NBAS: variants seen among roughly 807,000 people sequenced by gnomAD.
NBAS encodes the protein NBAS subunit of NRZ tethering complex.
In NBAS, 219 loss-of-function variants were observed where a neutral mutation model predicts 302.5. The ratio of observed to expected loss-of-function variants is 0.72; its 90% confidence interval spans 0.65 to 0.81. The LOEUF is 0.81. NBAS is among the 30% of genes least tolerant of loss of function. NBAS has a pLI of 0.00. For synonymous variants in NBAS, 1,118 were observed against 1,021.6 expected (o/e 1.09, Z -1.80); for missense variants, 2,932 against 2,841.6 (o/e 1.03, Z -0.72).
At chr2:15,127,193 G>A in the NBAS span, among the ~76,000 whole-genome samples, 250 of 152,330 alleles carry the variant, frequency 1.6e-3, no homozygotes, top group Middle Eastern at 3.4e-3. Flanking sequence ...TATGTAGCAG[G>A]TCCTGCCTCA....
At chr2:14,964,395 A>G in the NBAS span, among the ~76,000 whole-genome samples, 1 of 152,218 alleles carries the variant, frequency 6.6e-6, no homozygotes, top group Non-Finnish European at 1.5e-5. Context: ...GATGAATGGC[A>G]GTTTAGACAT....
chr2:14,899,969 T>G, the NBAS span, among the ~76,000 whole-genome samples: 1 of 152,142 alleles, frequency 6.6e-6, no homozygotes, highest in Non-Finnish European at 1.5e-5. Context: ...TACTAAGACA[T>G]CAGTGATCAG....
intron 21 of NBAS, among the ~76,000 whole-genome samples, chr2:15,448,465 C>A (rs1040410186): frequency 1.3e-5 from 2 of 152,084 alleles, no homozygotes; most frequent in Admixed American, 1.3e-4. Flanking sequence ...AATGACTTTC[C>A]AAAAATAACA....
At chr2:15,293,787 C>T (rs1456253639) in intron 40 of NBAS, among the ~76,000 whole-genome samples, 2 of 152,182 alleles carry the variant, frequency 1.3e-5, no homozygotes, top group Non-Finnish European at 2.9e-5. Flanking sequence ...TTACCAAACC[C>T]AGCCTGACAT....
the NBAS span, among the ~76,000 whole-genome samples, chr2:14,790,263 C>T: frequency 6.6e-6 from 1 of 152,164 alleles, no homozygotes; most frequent in South Asian, 2.1e-4. Context: ...TCATTTTCCA[C>T]ACTGGTAACA....
At chr2:14,838,901 G>T in the NBAS span, among the ~76,000 whole-genome samples, 1 of 151,936 alleles carries the variant, frequency 6.6e-6, no homozygotes, top group Non-Finnish European at 1.5e-5. Context: ...CCATGGTAAA[G>T]GTAATACCTG....
chr2:14,950,602 T>A, the NBAS span, among the ~76,000 whole-genome samples: 1 of 152,150 alleles, frequency 6.6e-6, no homozygotes, highest in African/African-American at 2.4e-5. Context: ...GGAGAACTCT[T>A]ACTCCAGTAG....
chr2:15,468,627 G>A, intron 16 of NBAS, 94 bp from the exon 17 acceptor site: 1 of 1,414,358 alleles, frequency 7.1e-7, no homozygotes, highest in Non-Finnish European at 9.9e-7. Flanking sequence ...TATACCTGAT[G>A]TATTACAGCT....
the NBAS span, among the ~76,000 whole-genome samples, chr2:14,936,017 T>C: frequency 6.6e-6 from 1 of 152,208 alleles, no homozygotes; most frequent in Non-Finnish European, 1.5e-5. Context: ...AATGAAAGCA[T>C]GGATGCAGTC....
chr2:15,040,203 G>A, the NBAS span, among the ~76,000 whole-genome samples: 1 of 152,166 alleles, frequency 6.6e-6, no homozygotes, highest in Non-Finnish European at 1.5e-5. Context: ...CAGAGTCATA[G>A]TCATTGTGTT....
At chr2:15,064,407 A>G in the NBAS span, among the ~76,000 whole-genome samples, 43 of 152,206 alleles carry the variant, frequency 2.8e-4, 1 homozygote, top group East Asian at 7.7e-3. Context: ...AACAAATTAG[A>G]TAACCTAGGT....
chr2:15,374,810 A>G, intron 30 of NBAS, 90 bp from the exon 31 acceptor site: 1 of 1,084,584 alleles, frequency 9.2e-7, no homozygotes, highest in Non-Finnish European at 1.4e-6. Flanking sequence ...ATATTTATCA[A>G]AAATCTACCA....
intron 44 of NBAS, among the ~76,000 whole-genome samples, chr2:15,242,816 AAAT>A (rs1455857097): frequency 2.0e-5 from 3 of 152,108 alleles, no homozygotes; most frequent in Non-Finnish European, 4.4e-5. Flanking sequence ...TTGCTATGAA[AAAT>A]AATAATGGAT....
the NBAS span, among the ~76,000 whole-genome samples, chr2:15,024,996 T>C: frequency 6.6e-6 from 1 of 152,252 alleles, no homozygotes; most frequent in African/African-American, 2.4e-5. Flanking sequence ...TGCTTGCTTC[T>C]GTTGCAATTG....
chr2:15,247,972 C>A (rs1668181709), intron 44 of NBAS, among the ~76,000 whole-genome samples: 1 of 152,278 alleles, frequency 6.6e-6, no homozygotes, highest in Non-Finnish European at 1.5e-5. Flanking sequence ...ATCTACAAAA[C>A]TCTCCACCCC....
At chr2:14,794,491 G>A in the NBAS span, among the ~76,000 whole-genome samples, 15 of 151,936 alleles carry the variant, frequency 9.9e-5, no homozygotes, top group African/African-American at 3.4e-4. Flanking sequence ...ATTGTAAGCC[G>A]AGAAACCATT....
chr2:15,125,347 C>T, the NBAS span, among the ~76,000 whole-genome samples: 6 of 152,226 alleles, frequency 3.9e-5, no homozygotes, highest in East Asian at 1.9e-4. Flanking sequence ...GGAGCAGGCA[C>T]ATCACTAGAA....
rs950090582 is a variant in NBAS at position 15,196,580 on chromosome 2, T to C, written c.6433-6177A>G. ...GAGGAAAATGCTTATACAAACAAAATGCAGAAAACAAACTAAATCATGATG... is the reference window on the plus strand; with the variant it reads ...GAGGAAAATGCTTATACAAACAAAACGCAGAAAACAAACTAAATCATGATG... On this transcript the variant is annotated intron_variant, in intron 48 of 51. Transcript: ENST00000281513. Among the ~76,000 whole-genome samples, 7 of 152,002 alleles carry C rather than the reference T, an allele frequency of 4.6e-5. 1 individual carries two copies. Among genetic ancestry groups the C allele is most frequent in the African/African-American group, 1.4e-4 (6 of 41,444 alleles).
At chr2:15,399,712 A>AT (rs1187736978) in intron 26 of NBAS, among the ~76,000 whole-genome samples, 3 of 152,250 alleles carry the variant, frequency 2.0e-5, no homozygotes, top group African/African-American at 7.2e-5. Context: ...AAGGTTATGA[A>AT]TTTCCAGAAT....
Sources: gnomAD v4.1 joint callset for allele counts (sites outside exome capture counted in the v4.1 genomes callset) on GRCh38, gnomAD v4.1.1 for gene constraint, MANE v1.5 for transcripts, NCBI Gene and HGNC (gene_info 2026-07-23, HGNC 2026-07-21) for gene names.